The following CLIC5 variants were observed in gnomAD, a reference collection of about 807,000 sequenced individuals.
CLIC5 encodes CLIC family member 5.
Under a neutral mutation model 24.7 loss-of-function variants are expected in CLIC5, and 20 were observed. That is an observed-to-expected ratio of 0.81 (90% CI 0.57 to 1.18). CLIC5 has a LOEUF of 1.18. CLIC5 is among the 50% of genes most tolerant of loss of function. The pLI is 0.00. For missense variants in CLIC5, 341 were observed against 326.1 expected, an observed-to-expected ratio of 1.05 and a Z score of -0.35; for synonymous variants, 159 against 135.6, an observed-to-expected ratio of 1.17 and a Z score of -1.20.
intron 1 of CLIC5, among the ~76,000 whole-genome samples, chr6:46,058,004 G>T (rs1263545836): frequency 6.6e-6 from 1 of 151,876 alleles, no homozygotes; most frequent in Non-Finnish European, 1.5e-5. Flanking sequence ...AATCTTTCTG[G>T]GCTTTCTCCC....
intron 4 of CLIC5, among the ~76,000 whole-genome samples, chr6:45,916,032 T>C (rs1763018210): frequency 1.3e-5 from 2 of 152,208 alleles, no homozygotes; most frequent in Non-Finnish European, 2.9e-5. Context: ...GTACTCTTGT[T>C]CAGATTTTCC....
chr6:45,946,420 T>C (rs1261474311), intron 3 of CLIC5, among the ~76,000 whole-genome samples: 2 of 152,160 alleles, frequency 1.3e-5, no homozygotes, highest in Non-Finnish European at 2.9e-5. Flanking sequence ...AAAAAAATGG[T>C]TGGAGTGTTT....
the CLIC5 span, among the ~76,000 whole-genome samples, chr6:46,108,792 G>T: frequency 2.0e-5 from 3 of 152,084 alleles, no homozygotes; most frequent in African/African-American, 7.2e-5. Flanking sequence ...TTGGCTAATT[G>T]AATGAATGTT....
At chr6:46,019,085 A>G (rs1213674334), upstream of CLIC5, among the ~76,000 whole-genome samples, 8 of 151,664 alleles carry the variant, frequency 5.3e-5, no homozygotes, top group Non-Finnish European at 8.8e-5. Flanking sequence ...AGTATAGTAA[A>G]AAAAAAAAAG....
chr6:46,079,630 C>T, intron 1 of CLIC5: 1 of 1,278,392 alleles, frequency 7.8e-7, no homozygotes, highest in South Asian at 1.5e-5. Flanking sequence ...TTTCCCTGGT[C>T]ATTCAGAGCA....
At position 45,978,657 on chromosome 6, in the gene CLIC5, G is replaced by A. The variant is rs537354479; in HGVS notation, c.64-23413C>T. 4.6e-5 allele frequency among the ~76,000 whole-genome samples: 7 copies of A among 152,276 alleles called. 1 individual carries two copies. In the South Asian group the frequency reaches 1.5e-3, roughly 32 times the overall value. ...GGAGAACATCTGTACTAGAAGTTGG[G>A]ATTGAAAATAATTATGAGGCTGGGC... On this transcript the variant is annotated intron_variant, in intron 1 of 5. Transcript: ENST00000339561.
At chr6:46,038,926 A>T (rs954962551) in intron 1 of CLIC5, among the ~76,000 whole-genome samples, 2 of 152,236 alleles carry the variant, frequency 1.3e-5, no homozygotes, top group Admixed American at 1.3e-4. Context: ...TATTAAGGTG[A>T]TGAATAACTT....
Position 45,962,063 on chromosome 6 carries a change from TACACACACACACAC to T in CLIC5, c.64-6833_64-6820del, listed in dbSNP as rs74732121. Among the ~76,000 whole-genome samples, 5 of 145,510 alleles carry T rather than the reference TACACACACACACAC, an allele frequency of 3.4e-5. No individual in the cohort carries two copies. In the Admixed American group the frequency reaches 3.4e-4, roughly 10 times the overall value. On this transcript the variant is annotated intron_variant, in intron 1 of 5. Transcript: ENST00000339561. Reference sequence around the variant, plus strand: ...ATATATACATACACATATATGTACATACACACACACACACACACACACACACACACATCCTGTTA... The same window carrying T: ...ATATATACATACACATATATGTACATACACACACACACACACATCCTGTTA...
chr6:45,934,751 C>G (rs970010265), intron 4 of CLIC5, among the ~76,000 whole-genome samples: 2 of 152,134 alleles, frequency 1.3e-5, no homozygotes, highest in Non-Finnish European at 2.9e-5. Context: ...AGAAAAGGGG[C>G]AAAAGCACAT....
chr6:46,128,856 AATTT>A, the CLIC5 span, among the ~76,000 whole-genome samples: 4 of 152,254 alleles, frequency 2.6e-5, no homozygotes, highest in Admixed American at 1.3e-4. Context: ...AACTGGAATT[AATTT>A]ATCAAGGCAC....
intron 2 of CLIC5, among the ~76,000 whole-genome samples, chr6:45,951,291 C>T (rs975591866): frequency 6.6e-6 from 1 of 152,146 alleles, no homozygotes; most frequent in Non-Finnish European, 1.5e-5. Flanking sequence ...GAAAGAAAGG[C>T]CTAGATGATG....
chr6:46,097,670 C>T, the CLIC5 span, among the ~76,000 whole-genome samples: 1 of 152,216 alleles, frequency 6.6e-6, no homozygotes, highest in African/African-American at 2.4e-5. Context: ...ACTTGAATTT[C>T]ACCATTCCAG....
chr6:45,988,633 A>G (rs980528530), intron 1 of CLIC5, among the ~76,000 whole-genome samples: 2 of 152,220 alleles, frequency 1.3e-5, no homozygotes, highest in African/African-American at 2.4e-5. Context: ...ACGCTTAACT[A>G]TTATCCTTGT....
chr6:46,054,695 T>C (rs1289234284), intron 1 of CLIC5, among the ~76,000 whole-genome samples: 1 of 152,320 alleles, frequency 6.6e-6, no homozygotes, highest in South Asian at 2.1e-4. Context: ...CCTGATCCAA[T>C]AGGTTTACTA....
chr6:45,977,881 G>A (rs1455932496), intron 1 of CLIC5, among the ~76,000 whole-genome samples: 4 of 152,220 alleles, frequency 2.6e-5, no homozygotes, highest in African/African-American at 4.8e-5. Context: ...TCAACAATGT[G>A]TGGGGTGCTG....
At chr6:46,027,419 T>C (rs954686052) in intron 1 of CLIC5, among the ~76,000 whole-genome samples, 6 of 152,202 alleles carry the variant, frequency 3.9e-5, no homozygotes, top group Non-Finnish European at 8.8e-5. Flanking sequence ...AAGCTTGAAT[T>C]CCCCCATTAT....
Position 46,072,900 on chromosome 6 carries a change from G to A in CLIC5, c.540+6803C>T, listed in dbSNP as rs549256510. ...ATCTGGCACAAATATTTTTGCATAGGGTTCTAGAATGTTCCTCAACCTTCT... is the reference window on the plus strand; with the variant it reads ...ATCTGGCACAAATATTTTTGCATAGAGTTCTAGAATGTTCCTCAACCTTCT... On this transcript the variant is annotated intron_variant, in intron 1 of 5. Transcript: ENST00000185206. Among the ~76,000 whole-genome samples the A allele has an allele frequency of 4.6e-5, 7 of 152,198 alleles. No individual in the cohort carries two copies. The South Asian group carries it at 1.5e-3, about 32-fold the overall frequency.
chr6:46,008,224 C>G (rs1766661945), intron 1 of CLIC5, among the ~76,000 whole-genome samples: 1 of 152,168 alleles, frequency 6.6e-6, no homozygotes, highest in Admixed American at 6.5e-5. Context: ...TGTCCTATTT[C>G]CAATTGCTCC....
intron 1 of CLIC5, among the ~76,000 whole-genome samples, chr6:46,056,239 G>A (rs908980904): frequency 6.6e-5 from 10 of 151,996 alleles, no homozygotes; most frequent in Non-Finnish European, 1.5e-4. Context: ...TTTTTTGAGG[G>A]GTCTTCTTTC....
Sources: gnomAD v4.1 joint callset for allele counts (sites outside exome capture counted in the v4.1 genomes callset) on GRCh38, gnomAD v4.1.1 for gene constraint, MANE v1.5 for transcripts, NCBI Gene and HGNC (gene_info 2026-07-23, HGNC 2026-07-21) for gene names.